PRKN: variants seen among roughly 807,000 people sequenced by gnomAD.
PRKN encodes E3 ubiquitin-protein ligase parkin.
A neutral mutation model predicts 59.5 loss-of-function variants in PRKN; 56 were observed. That is an observed-to-expected ratio of 0.94 (90% CI 0.76 to 1.18). The LOEUF (loss-of-function observed/expected upper bound fraction) is 1.18. Ranked by LOEUF, PRKN falls within the 50% of genes most tolerant of loss-of-function variation. The pLI, the probability that PRKN is intolerant of heterozygous loss-of-function variation, is 0.00. For missense variants in PRKN, 657 were observed against 596.4 expected (o/e 1.10, Z -1.06); for synonymous variants, 250 against 222.1 (o/e 1.13, Z -1.12).
At chr6:162,726,189 T>C (rs923339700) in intron 1 of PRKN, among the ~76,000 whole-genome samples, 9 of 152,240 alleles carry the variant, frequency 5.9e-5, no homozygotes, top group African/African-American at 1.9e-4. Flanking sequence ...TGCTTGTCTT[T>C]ATATAGCTTT....
intron 9 of PRKN, among the ~76,000 whole-genome samples, chr6:161,531,474 A>G (rs1583195865): frequency 6.6e-6 from 1 of 152,158 alleles, no homozygotes; most frequent in East Asian, 1.9e-4. Flanking sequence ...GCACTCCCAC[A>G]TTTTAATGAC....
intron 1 of PRKN, among the ~76,000 whole-genome samples, chr6:162,564,242 G>A (rs1779967732): frequency 2.6e-5 from 4 of 152,078 alleles, no homozygotes; most frequent in Admixed American, 1.3e-4. Context: ...CTAGTTGGGA[G>A]GCTAAGGCAG....
At chr6:161,866,804 GT>G (rs1794129484) in intron 6 of PRKN, among the ~76,000 whole-genome samples, 1 of 152,180 alleles carries the variant, frequency 6.6e-6, no homozygotes, top group African/African-American at 2.4e-5. Context: ...GTGGGAGGAT[GT>G]GGGGTAAGGA....
intron 7 of PRKN, among the ~76,000 whole-genome samples, chr6:161,615,560 T>C (rs1782662309): frequency 6.6e-6 from 1 of 152,212 alleles, no homozygotes; most frequent in Non-Finnish European, 1.5e-5. Flanking sequence ...CATCCAACTA[T>C]GTTACAATAG....
At chr6:161,645,002 C>A (rs1783872155) in intron 7 of PRKN, among the ~76,000 whole-genome samples, 1 of 152,080 alleles carries the variant, frequency 6.6e-6, no homozygotes, top group Admixed American at 6.5e-5. Flanking sequence ...ATCCTTATAG[C>A]CAACCCAGGA....
At chr6:162,018,278 G>A (rs1415068726) in intron 5 of PRKN, among the ~76,000 whole-genome samples, 7 of 152,042 alleles carry the variant, frequency 4.6e-5, no homozygotes, top group South Asian at 2.1e-4. Flanking sequence ...CACCTGCCTC[G>A]GCCTCCCAAA....
intron 7 of PRKN, among the ~76,000 whole-genome samples, chr6:161,622,013 G>A (rs967680324): frequency 2.6e-5 from 4 of 152,044 alleles, no homozygotes; most frequent in Admixed American, 2.0e-4. Flanking sequence ...CGTGTATGCC[G>A]CCTATCTCAG....
At position 161,464,185 on chromosome 6, in the gene PRKN, T is replaced by C. The variant is rs964363465; in HGVS notation, c.1084-77308A>G. 2.6e-5 allele frequency among the ~76,000 whole-genome samples: 4 copies of C among 152,176 alleles called. 1 individual carries two copies. Among genetic ancestry groups the C allele is most frequent in the African/African-American group, 9.7e-5 (4 of 41,448 alleles). On this transcript the variant is annotated intron_variant, in intron 9 of 11. Transcript: ENST00000366898. ...ATGTACCACCACGTCCAGCTAATTT[T>C]GTATTTTTAGTAGAGACAGGGTTTC... is the stretch of plus-strand genomic sequence containing the variant.
intron 6 of PRKN, among the ~76,000 whole-genome samples, chr6:161,803,040 C>A (rs1483952770): frequency 6.6e-6 from 1 of 152,000 alleles, no homozygotes; most frequent in Non-Finnish European, 1.5e-5. Flanking sequence ...TGAAAGACAC[C>A]CTCCTTGCAT....
chr6:162,296,019 G>T (rs1448238716), intron 2 of PRKN, among the ~76,000 whole-genome samples: 1 of 151,990 alleles, frequency 6.6e-6, no homozygotes, highest in Non-Finnish European at 1.5e-5. Flanking sequence ...CTACAATTTT[G>T]GAAAAGTAAA....
chr6:161,932,629 A>G (rs934197418), intron 6 of PRKN, among the ~76,000 whole-genome samples: 1 of 152,196 alleles, frequency 6.6e-6, no homozygotes, highest in Non-Finnish European at 1.5e-5. Context: ...GCAAAGCGAA[A>G]AAAGGATGTG....
intron 2 of PRKN, among the ~76,000 whole-genome samples, chr6:162,327,130 C>A (rs960989228): frequency 2.0e-5 from 3 of 152,172 alleles, no homozygotes; most frequent in Non-Finnish European, 2.9e-5. Context: ...ATCTAACCTT[C>A]ATATGCTTTC....
rs561450882 is a variant in PRKN at position 161,425,812 on chromosome 6, G to A, written c.1084-38935C>T. Among the ~76,000 whole-genome samples the A allele has an allele frequency of 4.6e-5, 7 of 152,138 alleles. No individual in the cohort carries two copies. In the East Asian group the frequency reaches 5.8e-4, roughly 13 times the overall value. ...GTAGGTTGTATAATATAGACGAGAC[G>A]CCTTGCCACATCAGTAATTCCCCCC... On this transcript the variant is annotated intron_variant, in intron 9 of 11. Coordinates refer to ENST00000366898, the MANE Select transcript of PRKN (RefSeq NM_004562.3).
chr6:161,595,894 TCTGA>T (rs1781896581), intron 7 of PRKN, among the ~76,000 whole-genome samples: 2 of 152,190 alleles, frequency 1.3e-5, no homozygotes, highest in African/African-American at 4.8e-5. Context: ...CTAGGCTGCC[TCTGA>T]CTAACTCCAC....
intron 2 of PRKN, among the ~76,000 whole-genome samples, chr6:162,422,280 T>C (rs10455908): frequency 0.24 from 36,531 of 152,198 alleles, 4,439 homozygotes; most frequent in African/African-American, 0.25. Flanking sequence ...ATTCTTCATA[T>C]AAAAACTTCT....
intron 7 of PRKN, among the ~76,000 whole-genome samples, chr6:161,733,997 CACACACACAT>C (rs775709797): frequency 0.046 from 5,986 of 130,460 alleles, 188 homozygotes; most frequent in African/African-American, 0.12. Context: ...CACACACACA[CACACACACAT>C]ATTTGCTAAT....
chr6:162,330,054 A>G (rs1783503373), intron 2 of PRKN, among the ~76,000 whole-genome samples: 1 of 152,200 alleles, frequency 6.6e-6, no homozygotes, highest in Non-Finnish European at 1.5e-5. Flanking sequence ...CGTCTTAGAA[A>G]GTTCCCCTCA....
intron 9 of PRKN, among the ~76,000 whole-genome samples, chr6:161,523,237 T>A (rs903903006): frequency 6.6e-6 from 1 of 152,202 alleles, no homozygotes; most frequent in Admixed American, 6.5e-5. Flanking sequence ...ATCAGCTTCA[T>A]GTACCAATTA....
intron 6 of PRKN, among the ~76,000 whole-genome samples, chr6:161,942,761 A>T (rs1779613333): frequency 6.6e-6 from 1 of 152,204 alleles, no homozygotes; most frequent in African/African-American, 2.4e-5. Context: ...GGAAACGTTA[A>T]GGTTGGAACC....
Sources: allele counts gnomAD v4.1 joint callset (sites outside exome capture counted in the v4.1 genomes callset), GRCh38; gene constraint gnomAD v4.1.1; transcripts MANE v1.5; gene names NCBI Gene and HGNC (gene_info 2026-07-23, HGNC 2026-07-21).